FAM107B: variants seen among roughly 807,000 people sequenced by gnomAD.
FAM107B encodes protein FAM107B.
A neutral mutation model predicts 31.5 loss-of-function variants in FAM107B; 21 were observed. The ratio of observed to expected loss-of-function variants is 0.67; its 90% confidence interval spans 0.47 to 0.96. The LOEUF (loss-of-function observed/expected upper bound fraction) is 0.96, where lower values mean the gene tolerates loss of function less well. Among genes scored for constraint, FAM107B ranks in the 40% least tolerant of loss-of-function variants. FAM107B has a pLI of 0.00. For missense variants in FAM107B, 452 were observed against 377.1 expected (o/e 1.20, Z -1.64); for synonymous variants, 157 against 141.5 (o/e 1.11, Z -0.78).
chr10:14,525,263 A>G (rs540134285), intron 3 of FAM107B, among the ~76,000 whole-genome samples: 1 of 152,282 alleles, frequency 6.6e-6, no homozygotes, highest in East Asian at 1.9e-4. Flanking sequence ...TATACAGCTA[A>G]CAAGTACTTT....
intron 1 of FAM107B, among the ~76,000 whole-genome samples, chr10:14,760,416 A>AAT (rs1833020322): frequency 6.6e-6 from 1 of 152,226 alleles, no homozygotes; most frequent in Non-Finnish European, 1.5e-5. Context: ...TACAGGAGAA[A>AAT]ATATAGAATA....
intron 2 of FAM107B, among the ~76,000 whole-genome samples, chr10:14,634,799 C>G (rs986257312): frequency 9.9e-5 from 15 of 152,022 alleles, no homozygotes; most frequent in South Asian, 2.1e-4. Flanking sequence ...TGGATAGAAA[C>G]CTCAGTCTTG....
At chr10:14,536,351 A>G (rs1421142333) in intron 2 of FAM107B, among the ~76,000 whole-genome samples, 1 of 152,256 alleles carries the variant, frequency 6.6e-6, no homozygotes, top group African/African-American at 2.4e-5. Flanking sequence ...GAAAGTTAAA[A>G]GTAATTCCAA....
intron 2 of FAM107B, among the ~76,000 whole-genome samples, chr10:14,583,242 C>G (rs1417663637): frequency 1.3e-5 from 2 of 152,170 alleles, no homozygotes; most frequent in Non-Finnish European, 2.9e-5. Flanking sequence ...AATTCTTCAT[C>G]TGGCAGAAGT....
At chr10:14,744,785 A>G (rs983333801) in intron 1 of FAM107B, among the ~76,000 whole-genome samples, 3 of 152,148 alleles carry the variant, frequency 2.0e-5, no homozygotes, top group Non-Finnish European at 2.9e-5. Flanking sequence ...GATGTTCACC[A>G]GGGATATTGG....
chr10:14,604,364 G>C (rs1334710711), intron 2 of FAM107B: 1 of 526,528 alleles, frequency 1.9e-6, no homozygotes, highest in Admixed American at 6.6e-5. Flanking sequence ...GGGGGCGGCG[G>C]CCCGGCCCGC....
intron 2 of FAM107B, among the ~76,000 whole-genome samples, chr10:14,648,010 A>G (rs1042364771): frequency 2.0e-5 from 3 of 152,202 alleles, no homozygotes; most frequent in African/African-American, 7.2e-5. Context: ...GGAAAAAAAA[A>G]AAGGCGATAT....
Position 14,521,930 on chromosome 10 carries a change from G to A in FAM107B, c.743C>T (p.Ala248Val). Residue 248 changes from alanine to valine, a missense_variant, in exon 4 of 5, where the codon GCA becomes GTA. Coordinates refer to ENST00000181796, the MANE Select transcript of FAM107B (RefSeq NM_031453.4). Reference protein sequence around the residue: ...DQVIKQKEEEAQKKKSDLEIE... With the variant: ...DQVIKQKEEEVQKKKSDLEIE... ...TTCCAAGTCAGATTTCTTCTTCTGTGCTTCTTCTTCCTTCTGCTTTATTAC... is the reference window on the plus strand; with the variant it reads ...TTCCAAGTCAGATTTCTTCTTCTGTACTTCTTCTTCCTTCTGCTTTATTAC... 1 of 1,614,086 alleles carries A rather than the reference G, an allele frequency of 6.2e-7. No homozygotes were observed. Among genetic ancestry groups the A allele is most frequent in the South Asian group, 1.1e-5 (1 of 91,072 alleles).
At chr10:14,537,833 CAA>C (rs34298402) in intron 2 of FAM107B, among the ~76,000 whole-genome samples, 61 of 85,578 alleles carry the variant, frequency 7.1e-4, no homozygotes, top group Middle Eastern at 5.3e-3. Flanking sequence ...GACTCTGTCT[CAA>C]AAAAAAAAAA....
intron 2 of FAM107B, among the ~76,000 whole-genome samples, chr10:14,554,474 G>C (rs1272366046): frequency 6.6e-6 from 1 of 152,174 alleles, no homozygotes; most frequent in African/African-American, 2.4e-5. Flanking sequence ...ACCCAACAAG[G>C]TCTTTGCCAC....
intron 1 of FAM107B, among the ~76,000 whole-genome samples, chr10:14,732,893 A>C (rs1856207200): frequency 6.8e-6 from 1 of 146,716 alleles, no homozygotes. Flanking sequence ...ATTATAGTAC[A>C]TTATAGAATA....
At chr10:14,620,559 T>C (rs1852983623) in intron 2 of FAM107B, among the ~76,000 whole-genome samples, 1 of 152,180 alleles carries the variant, frequency 6.6e-6, no homozygotes, top group South Asian at 2.1e-4. Context: ...TAATTTAAGT[T>C]CTGGGATACA....
At chr10:14,757,072 T>G (rs193204662) in intron 1 of FAM107B, among the ~76,000 whole-genome samples, 1 of 152,246 alleles carries the variant, frequency 6.6e-6, no homozygotes, top group African/African-American at 2.4e-5. Context: ...AATACCTGGA[T>G]GATAAAATAG....
intron 2 of FAM107B, among the ~76,000 whole-genome samples, chr10:14,635,763 C>T (rs570165796): frequency 6.6e-6 from 1 of 152,212 alleles, no homozygotes; most frequent in African/African-American, 2.4e-5. Flanking sequence ...TCCCAAGTAG[C>T]TTGGATTACA....
In FAM107B at chr10:14,540,940, T is replaced by A. The variant is rs539346888; in HGVS notation, c.470-10425A>T. Among the ~76,000 whole-genome samples, 36 of 152,262 alleles carry A rather than the reference T, an allele frequency of 2.4e-4. No individual in the cohort carries two copies. In the South Asian group the frequency reaches 7.3e-3, roughly 31 times the overall value. On this transcript the variant is annotated intron_variant, in intron 2 of 4. Transcript: ENST00000181796. Reference sequence around the variant, plus strand: ...GTAGCAGAAGTCATCCCAGGCGAATTTGAGTTTGAGCTATTGTTTCTCAAA... The same window carrying A: ...GTAGCAGAAGTCATCCCAGGCGAATATGAGTTTGAGCTATTGTTTCTCAAA...
intron 1 of FAM107B, among the ~76,000 whole-genome samples, chr10:14,771,798 G>A (rs78873704): frequency 0.019 from 2,955 of 152,258 alleles, 103 homozygotes; most frequent in African/African-American, 0.068. Flanking sequence ...TGACAGGCAT[G>A]AGCCACTATG....
chr10:14,548,485 C>T, intron 2 of FAM107B: 2 of 985,620 alleles, frequency 2.0e-6, no homozygotes, highest in Non-Finnish European at 2.4e-6. Flanking sequence ...GCAGTTCACA[C>T]GAGAATGCTG....
In FAM107B at chr10:14,593,564, G is replaced by C. The variant is rs1384312406; in HGVS notation, c.470-63049C>G. Among the ~76,000 whole-genome samples the C allele has an allele frequency of 2.0e-5, 3 of 151,712 alleles. No individual in the cohort carries two copies. In the East Asian group the frequency reaches 5.8e-4, roughly 29 times the overall value. ...CAAAAATTAGCCAGGCACAGTGGCG[G>C]GCACCTGTAATCCCAGCTACTCAGG... On this transcript the variant is annotated intron_variant, in intron 2 of 4. Coordinates refer to ENST00000181796, the MANE Select transcript of FAM107B (RefSeq NM_031453.4).
intron 2 of FAM107B, chr10:14,604,262 G>A: frequency 1.0e-6 from 1 of 979,612 alleles, no homozygotes; most frequent in Non-Finnish European, 1.2e-6. Flanking sequence ...ACAAAGGCGC[G>A]CGGCTCCCTC....
Sources: allele counts gnomAD v4.1 joint callset (sites outside exome capture counted in the v4.1 genomes callset), GRCh38; gene constraint gnomAD v4.1.1; transcripts MANE v1.5; gene names NCBI Gene and HGNC (gene_info 2026-07-23, HGNC 2026-07-21).